Variants in NOL4 observed in about 807,000 individuals in gnomAD.
The protein encoded by NOL4 is nucleolar protein 4, also known as cancer/testis antigen 125.
Under a neutral mutation model 75.9 loss-of-function variants are expected in NOL4, and 17 were observed. The observed-to-expected ratio is 0.22, with a 90% CI of 0.15 to 0.34. The LOEUF (loss-of-function observed/expected upper bound fraction) is 0.34. Among genes scored for constraint, NOL4 ranks in the 10% least tolerant of loss-of-function variants. NOL4 has a pLI of 1.00. For synonymous variants in NOL4, 292 were observed against 289.9 expected (o/e 1.01, Z -0.07); for missense variants, 614 against 793.5 (o/e 0.77, Z 2.72).
intron 1 of NOL4, among the ~76,000 whole-genome samples, chr18:34,201,507 T>C (rs1448337540): frequency 6.6e-6 from 1 of 151,886 alleles, no homozygotes; most frequent in Non-Finnish European, 1.5e-5. Context: ...ACACACTCAC[T>C]GTAAGGATTA....
chr18:34,119,941 A>C (rs1380466393), intron 2 of NOL4, among the ~76,000 whole-genome samples: 2 of 152,096 alleles, frequency 1.3e-5, no homozygotes, highest in Non-Finnish European at 2.9e-5. Flanking sequence ...AATAGGATTA[A>C]GTTTGCTAGA....
At chr18:33,970,292 CA>C (rs2070948748) in intron 6 of NOL4, among the ~76,000 whole-genome samples, 1 of 152,102 alleles carries the variant, frequency 6.6e-6, no homozygotes, top group Non-Finnish European at 1.5e-5. Context: ...TACAACAAAA[CA>C]GTATATATGA....
At chr18:34,027,259 A>G (rs1490275420) in intron 5 of NOL4, among the ~76,000 whole-genome samples, 1 of 152,220 alleles carries the variant, frequency 6.6e-6, no homozygotes, top group East Asian at 1.9e-4. Context: ...GCTCAGTAGT[A>G]GGGAGCTCTC....
chr18:33,936,498 A>C (rs1307805371), intron 9 of NOL4, among the ~76,000 whole-genome samples: 1 of 151,426 alleles, frequency 6.6e-6, no homozygotes, highest in Non-Finnish European at 1.5e-5. Context: ...ACCACAGGTA[A>C]GTAACGTGCC....
intron 5 of NOL4, among the ~76,000 whole-genome samples, chr18:34,047,662 C>A (rs780186874): frequency 6.6e-6 from 1 of 151,996 alleles, no homozygotes; most frequent in Non-Finnish European, 1.5e-5. Flanking sequence ...ACACTAATAT[C>A]AAATATTTAA....
At chr18:33,892,768 T>C (rs546951155) in intron 9 of NOL4, among the ~76,000 whole-genome samples, 177 of 152,132 alleles carry the variant, frequency 1.2e-3, no homozygotes, top group Middle Eastern at 3.4e-3. Context: ...AGTGATCCTC[T>C]TGCCTCAGCC....
At position 33,999,483 on chromosome 18, in the gene NOL4, G is replaced by A. The variant is rs573224615; in HGVS notation, c.1056+19835C>T. ...TGTTTATTGACTAGTATCTTTATGA[G>A]CTTATTTTTATAGGTCAATGTTTAT... On this transcript the variant is annotated intron_variant, in intron 6 of 10. Transcript: ENST00000261592. Among the ~76,000 whole-genome samples the A allele has an allele frequency of 5.3e-5, 8 of 152,070 alleles. No homozygotes were observed. In the South Asian group the frequency reaches 1.7e-3, roughly 32 times the overall value.
intron 1 of NOL4, among the ~76,000 whole-genome samples, chr18:34,200,779 T>C (rs2035678204): frequency 6.6e-6 from 1 of 151,798 alleles, no homozygotes. Flanking sequence ...AAATGTATTG[T>C]TGAAATGAAC....
In NOL4 at chr18:34,093,590, C is replaced by T; in HGVS notation, c.647G>A (p.Ser216Asn). 6.3e-7 allele frequency: 1 copy of T among 1,581,144 alleles called. No homozygotes were observed. The highest frequency in any genetic ancestry group is 2.3e-5 in the East Asian group (1 of 43,892). The change falls in exon 5 of 11, where the codon AGT (serine) becomes AAT (asparagine). Residue 216 changes from serine to asparagine, a missense_variant. This residue lies in a region of NOL4 where 135 missense variants were observed against 220.4 expected (regional missense o/e 0.61). Coordinates refer to ENST00000261592, the MANE Select transcript of NOL4 (RefSeq NM_003787.5). ...LLNSQQDEDE[S>N]SIESDEFDMS... is the part of the protein sequence containing the mutation. ...GTCAAATTCATCACTTTCTATTGAACTTTCATCCTGAAAATAGTTTTAAAA... is the reference window on the plus strand; with the variant it reads ...GTCAAATTCATCACTTTCTATTGAATTTTCATCCTGAAAATAGTTTTAAAA...
intron 2 of NOL4, among the ~76,000 whole-genome samples, chr18:34,129,554 A>G (rs933175777): frequency 4.0e-5 from 6 of 151,564 alleles, no homozygotes; most frequent in Non-Finnish European, 7.4e-5. Flanking sequence ...TTCATATGCT[A>G]TGACTCATTG....
intron 9 of NOL4, among the ~76,000 whole-genome samples, chr18:33,916,670 C>A (rs1341054778): frequency 6.6e-6 from 1 of 152,132 alleles, no homozygotes; most frequent in Non-Finnish European, 1.5e-5. Flanking sequence ...TAAAAATGTA[C>A]TATTTTCATA....
intron 5 of NOL4, among the ~76,000 whole-genome samples, chr18:34,053,619 T>TC (rs552625408): frequency 5.1e-4 from 78 of 152,014 alleles, no homozygotes; most frequent in African/African-American, 1.9e-3. Flanking sequence ...CTACTATTTT[T>TC]CATACATAAT....
chr18:34,157,187 T>C (rs775677937), intron 1 of NOL4: 1 of 152,222 alleles, frequency 6.6e-6, no homozygotes, highest in South Asian at 2.1e-4. Context: ...GTAGTAGAAT[T>C]TACCAAAAGC....
At chr18:33,962,428 C>A (rs1203897104) in intron 6 of NOL4, among the ~76,000 whole-genome samples, 1 of 152,122 alleles carries the variant, frequency 6.6e-6, no homozygotes, top group East Asian at 1.9e-4. Flanking sequence ...AATCTACCAA[C>A]AAAGTAAAAT....
intron 10 of NOL4, among the ~76,000 whole-genome samples, chr18:33,869,344 A>C (rs2063583700): frequency 6.6e-6 from 1 of 152,008 alleles, no homozygotes; most frequent in African/African-American, 2.4e-5. Context: ...TTACGTATTA[A>C]GAAGATGTGT....
intron 5 of NOL4, among the ~76,000 whole-genome samples, chr18:34,058,195 ACGATCT>A (rs1275750393): frequency 2.6e-5 from 4 of 152,022 alleles, no homozygotes; most frequent in Non-Finnish European, 5.9e-5. Flanking sequence ...GTGCAATGGC[ACGATCT>A]CGGCTCACTG....
rs1304909171 is a variant in NOL4, at chr18:33,851,166, T to G, written c.*1676A>C. On this transcript the variant is annotated 3_prime_UTR_variant, in exon 11 of 11. Coordinates refer to ENST00000261592, the MANE Select transcript of NOL4 (RefSeq NM_003787.5). ...AGAGAAAATTATACCAGCCCTCAAT[T>G]TTTGAATTTTCATTTAAATAAGCAA... 1.3e-5 allele frequency: 2 copies of G among 152,548 alleles called. No individual in the cohort carries two copies. The highest frequency in any genetic ancestry group is 3.9e-4 in the East Asian group (2 of 5,190). The allele number at this position is 152,548 out of a possible 1,614,324, so 9.4% of individuals were successfully genotyped here.
At chr18:34,015,682 T>A (rs942647940) in intron 6 of NOL4, among the ~76,000 whole-genome samples, 8 of 151,958 alleles carry the variant, frequency 5.3e-5, no homozygotes, top group African/African-American at 1.9e-4. Flanking sequence ...CTTTAAAATG[T>A]CTCTCTCTCT....
At chr18:34,076,259 G>A (rs1312581792) in intron 5 of NOL4, among the ~76,000 whole-genome samples, 1 of 152,082 alleles carries the variant, frequency 6.6e-6, no homozygotes, top group Non-Finnish European at 1.5e-5. Context: ...GACCTAGAAT[G>A]GGCCTCTACT....
Sources: allele counts gnomAD v4.1 joint callset (sites outside exome capture counted in the v4.1 genomes callset), GRCh38; gene constraint gnomAD v4.1.1; regional missense constraint gnomAD v4.1.1; transcripts MANE v1.5; gene names NCBI Gene and HGNC (gene_info 2026-07-23, HGNC 2026-07-21).